Variants in METTL1 observed in about 807,000 individuals in gnomAD.
METTL1 encodes tRNA (guanine-N(7)-)-methyltransferase.
METTL1 carries 14 observed loss-of-function variants against 27.7 expected under a neutral mutation model. The ratio of observed to expected loss-of-function variants is 0.51; its 90% CI spans 0.33 to 0.79. The LOEUF (loss-of-function observed/expected upper bound fraction) is 0.79, where lower values mean the gene tolerates loss of function less well. METTL1 is among the 30% of genes least tolerant of loss of function. METTL1 has a pLI of 0.02. For synonymous variants in METTL1, 138 were observed against 137.0 expected (o/e 1.01, Z -0.05); for missense variants, 333 against 359.6 (o/e 0.93, Z 0.60).
intron 4 of METTL1, 43 bp downstream of exon 4, chr12:57,769,521 CT>C (rs3216815): frequency 0.29 from 451,209 of 1,568,508 alleles, 70,879 homozygotes; most frequent in East Asian, 0.54. Flanking sequence ...TGAAGGGCCC[CT>C]GAGTAGGCCA....
In METTL1 at chr12:57,771,227, A is replaced by G; in HGVS notation, c.141T>C (p.Ser47=). ...YPVKPEEMDW[S]ELYPEFFAPL... ...GAGCGAAGAACTCTGGGTATAGCTC[A>G]GACCAGTCCATCTCCTCTGGCTTCA... Residue 47 remains serine, a synonymous_variant, in exon 2 of 6, where the codon TCT becomes TCC. Coordinates refer to ENST00000324871, the MANE Select transcript of METTL1 (RefSeq NM_005371.6). 2.5e-6 allele frequency: 4 copies of G among 1,613,948 alleles called. No homozygotes were observed. Among genetic ancestry groups the G allele is most frequent in the Non-Finnish European group, 2.5e-6 (3 of 1,179,844 alleles).
At chr12:57,771,360 AG>A (rs976522175) in intron 1 of METTL1, 103 bp from the exon 2 acceptor site, 1 of 1,492,558 alleles carries the variant, frequency 6.7e-7, no homozygotes, top group Non-Finnish European at 8.9e-7. Flanking sequence ...GGTAAAAGGG[AG>A]GAGGGTTTCT....
intron 1 of METTL1, chr12:57,771,745 C>A: frequency 7.5e-7 from 1 of 1,339,158 alleles, no homozygotes; most frequent in South Asian, 1.5e-5. Context: ...ATTTATTTCT[C>A]TTCCCAAACT....
intron 1 of METTL1, 61 bp from the exon 2 acceptor site, chr12:57,771,318 C>A: frequency 1.1e-6 from 1 of 947,648 alleles, no homozygotes; most frequent in Non-Finnish European, 1.6e-6. Flanking sequence ...AGAAGTGGTA[C>A]TGTGAGAGTG....
Position 57,768,925 on chromosome 12 carries a change from G to A in METTL1, c.*71C>T. ...GTCTCAGCTCCAGCAGTCTCAACTG[G>A]GAAGACCCAGGACTCCTGCTCTTTT... On this transcript the variant is annotated 3_prime_UTR_variant, in exon 6 of 6. Coordinates refer to ENST00000324871, the MANE Select transcript of METTL1 (RefSeq NM_005371.6). 1 of 1,543,876 alleles carries A rather than the reference G, an allele frequency of 6.5e-7. No homozygotes were observed. The highest frequency in any genetic ancestry group is 1.4e-5 in the African/African-American group (1 of 73,724).
chr12:57,771,874 C>T, intron 1 of METTL1, 100 bp downstream of exon 1: 1 of 1,369,644 alleles, frequency 7.3e-7, no homozygotes, highest in Non-Finnish European at 9.7e-7. Context: ...TCTGATCCTC[C>T]CGGGTCTACC....
At chr12:57,771,595 G>GT (rs1355303475) in intron 1 of METTL1, 1 of 1,535,188 alleles carries the variant, frequency 6.5e-7, no homozygotes, top group African/African-American at 1.4e-5. Context: ...ATCCTACTTT[G>GT]TGTTTGTGCT....
At chr12:57,770,001 G>A in intron 2 of METTL1, 45 bp from the exon 3 acceptor site, 1 of 1,546,820 alleles carries the variant, frequency 6.5e-7, no homozygotes, top group South Asian at 1.2e-5. Context: ...TATACTTGTA[G>A]GAAGTGCAAA....
At chr12:57,771,348 G>GTGGT in intron 1 of METTL1, 91 bp from the exon 2 acceptor site, 1 of 670,840 alleles carries the variant, frequency 1.5e-6, no homozygotes, top group Non-Finnish European at 2.5e-6. Context: ...GTGAGGGTGG[G>GTGGT]AGGTAAAAGG....
In METTL1 at chr12:57,772,040, G is replaced by C. The variant is rs760403195; in HGVS notation, c.44C>G (p.Pro15Arg). 6.4e-7 allele frequency: 1 copy of C among 1,553,970 alleles called. No homozygotes were observed. ...TRNVAGAEAP[P>R]PQKRYYRQRA... ...TTGCCGGTAGTAGCGCTTCTGGGGC[G>C]GTGGGGCCTCTGCTCCGGCCACGTT... Residue 15 changes from proline (P) to arginine (R), a missense_variant, in exon 1 of 6, where the codon CCG (proline) becomes CGG (arginine). Transcript: ENST00000324871. This position sits in a 1 kb window ranked among gnomAD's most constrained non-coding sequence, Gnocchi z 4.1.
rs544211085 is a variant in METTL1 at position 57,772,043 on chromosome 12, G to A, written c.41C>T (p.Pro14Leu). ...CCGGTAGTAGCGCTTCTGGGGCGGT[G>A]GGGCCTCTGCTCCGGCCACGTTCCG... Reference protein sequence around the residue: ...ETRNVAGAEAPPPQKRYYRQR... With the variant: ...ETRNVAGAEALPPQKRYYRQR... Residue 14 changes from proline to leucine, a missense_variant, in exon 1 of 6, where the codon CCA becomes CTA. Physicochemically the swap from Pro to Leu is moderately conservative, Grantham distance 98. Coordinates refer to ENST00000324871, the MANE Select transcript of METTL1 (RefSeq NM_005371.6). This position sits in a 1 kb window ranked among gnomAD's most constrained non-coding sequence, Gnocchi z 4.1. 3 of 1,554,446 alleles carry A rather than the reference G, an allele frequency of 1.9e-6. No individual in the cohort carries two copies. The East Asian group carries it at 7.4e-5, about 39-fold the overall frequency.
chr12:57,771,340 GA>G, intron 1 of METTL1, 83 bp from the exon 2 acceptor site: 2 of 1,352,226 alleles, frequency 1.5e-6, no homozygotes, highest in Non-Finnish European at 2.0e-6. Flanking sequence ...GTGGGTGGGT[GA>G]GGGTGGGAGG....
At chr12:57,769,707 T>C (rs774997280) in intron 3 of METTL1, 29 bp from the exon 4 acceptor site, 13 of 1,603,226 alleles carry the variant, frequency 8.1e-6, no homozygotes, top group Non-Finnish European at 1.0e-5. Context: ...CCAACAGGGT[T>C]GTGAGAGCCT....
rs368285948 is a variant in METTL1, at chr12:57,769,139, C to T, written c.688G>A (p.Val230Ile). The change falls in exon 6 of 6, where the codon GTT becomes ATT. Residue 230 changes from valine (V) to isoleucine (I), a missense_variant. Physicochemically the swap from Val to Ile is conservative, Grantham distance 29. Coordinates refer to ENST00000324871, the MANE Select transcript of METTL1 (RefSeq NM_005371.6). ...VPLEDLSEDP[V>I]VGHLGTSTEE... ...GTTGAGGTGCCTAGATGTCCCACAA[C>T]GGGGTCTTCACTCTGGGAGAAGGAA... 56 of 1,602,576 alleles carry T rather than the reference C, an allele frequency of 3.5e-5. No homozygotes were observed. The highest frequency in any genetic ancestry group is 4.2e-5 in the Non-Finnish European group (49 of 1,170,262).
In METTL1 at chr12:57,771,147, G is replaced by A. The variant is rs752745692; in HGVS notation, c.221C>T (p.Ala74Val). Residue 74 changes from alanine (A) to valine (V), a missense_variant, in exon 2 of 6, where the codon GCT (alanine) becomes GTT (valine). Coordinates refer to ENST00000324871, the MANE Select transcript of METTL1 (RefSeq NM_005371.6). ...GTCTGCAAACTCCACTTGGGCCTGA[G>A]CTCTCTTTTCTTTCTTATCCTTTGG... Reference protein sequence around the residue: ...DDPKDKKEKRAQAQVEFADIG... With the variant: ...DDPKDKKEKRVQAQVEFADIG... 2 of 1,614,062 alleles carry A rather than the reference G, an allele frequency of 1.2e-6. No individual in the cohort carries two copies. The highest frequency in any genetic ancestry group is 2.7e-5 in the African/African-American group (2 of 74,918).
At position 57,769,390 on chromosome 12, in the gene METTL1, G is replaced by A. The variant is rs781332939; in HGVS notation, c.588C>T (p.Thr196=). 1.9e-6 allele frequency: 3 copies of A among 1,614,006 alleles called. No individual in the cohort carries two copies. The highest frequency in any genetic ancestry group is 1.1e-5 in the South Asian group (1 of 91,072). Residue 196 remains threonine, a synonymous_variant, in exon 5 of 6, where the codon ACC becomes ACT. Coordinates refer to ENST00000324871, the MANE Select transcript of METTL1 (RefSeq NM_005371.6). ...CGTGTAGCTCCAGCACATCGGTTATGGTATACACCAGCCCCTGCATAGGCA... is the reference window on the plus strand; with the variant it reads ...CGTGTAGCTCCAGCACATCGGTTATAGTATACACCAGCCCCTGCATAGGCA... ...YVLRVGGLVY[T]ITDVLELHDW...
intron 4 of METTL1, 28 bp from the exon 5 acceptor site, chr12:57,769,432 G>A (rs1170864452): frequency 3.1e-6 from 5 of 1,611,520 alleles, no homozygotes. Context: ...CCCTAGACAG[G>A]AGGCTGCATG....
At chr12:57,771,834 G>A (rs2140404557) in intron 1 of METTL1, 140 bp downstream of exon 1, 2 of 1,168,800 alleles carry the variant, frequency 1.7e-6, no homozygotes, top group African/African-American at 1.6e-5. Flanking sequence ...CGAATCTCCC[G>A]GTCCCACCCC....
Position 57,769,072 on chromosome 12 carries a change from A to T in METTL1, c.755T>A (p.Phe252Tyr). Residue 252 changes from phenylalanine (F) to tyrosine (Y), a missense_variant, in exon 6 of 6, where the codon TTC (phenylalanine) becomes TAC (tyrosine). By Grantham distance (22) the Phe-to-Tyr change is conservative. Transcript: ENST00000324871. ...KKVLRNGGKNFPAIFRRIQDP... is the reference protein window; with the variant it reads ...KKVLRNGGKNYPAIFRRIQDP... ...TTGTATTCTTCGGAAGATGGCTGGG[A>T]AATTCTTCCCTCCATTACGTAGAAC... The T allele has an allele frequency of 6.2e-7, 1 of 1,612,122 alleles. No individual in the cohort carries two copies. The highest frequency in any genetic ancestry group is 1.3e-5 in the African/African-American group (1 of 74,994).
Sources: gnomAD v4.1 joint callset for allele counts on GRCh38, gnomAD v4.1.1 for gene constraint, Gnocchi (gnomAD v3.1) non-coding constraint, MANE v1.5 for transcripts, NCBI Gene and HGNC (gene_info 2026-07-23, HGNC 2026-07-21) for gene names.